ENOX2: variants seen among roughly 807,000 people sequenced by gnomAD.
The protein encoded by ENOX2 is ecto-NOX disulfide-thiol exchanger 2, also known as APK1 antigen.
Under a neutral mutation model 45.0 loss-of-function variants are expected in ENOX2, and 36 were observed. The observed-to-expected ratio is 0.80, with a 90% CI of 0.61 to 1.06. The LOEUF is 1.06. Among genes scored for constraint, ENOX2 ranks in the 50% least tolerant of loss-of-function variants. The pLI is 0.00. For synonymous variants in ENOX2, 174 were observed against 152.3 expected, an observed-to-expected ratio of 1.14 and a Z score of -1.05; for missense variants, 423 against 462.5, an observed-to-expected ratio of 0.91 and a Z score of 0.78.
intron 2 of ENOX2, among the ~76,000 whole-genome samples, chrX:130,850,529 C>T (rs776686954): frequency 9.0e-6 from 1 of 111,589 alleles, no homozygotes; most frequent in African/African-American, 3.3e-5. Context: ...TTATTTACTA[C>T]CCACAATTAC....
chrX:130,795,437 C>A (rs904821818), intron 2 of ENOX2, among the ~76,000 whole-genome samples: 1 of 111,993 alleles, frequency 8.9e-6, no homozygotes, highest in Non-Finnish European at 1.9e-5. Context: ...CTTAATTTTG[C>A]TACAGTCTGG....
intron 2 of ENOX2, among the ~76,000 whole-genome samples, chrX:130,786,675 T>C (rs1266745462): frequency 1.1e-5 from 1 of 94,312 alleles, no homozygotes; most frequent in Non-Finnish European, 2.1e-5. Flanking sequence ...GTTCTTGAGA[T>C]AGTTTACTGA....
In ENOX2 at chrX:130,836,556, TTTTA is replaced by T. The variant is rs1342639019; in HGVS notation, c.-182-52870_-182-52867del. ...AGCAACTGATTGAAGAGTCTTAAGCTTTTATGTTTGTATTTCTCCAGAGCAGTTC... is the reference window on the plus strand; with the variant it reads ...AGCAACTGATTGAAGAGTCTTAAGCTTGTTTGTATTTCTCCAGAGCAGTTC... On this transcript the variant is annotated intron_variant, in intron 2 of 14. Transcript: ENST00000394363. Among the ~76,000 whole-genome samples, 5 of 111,353 alleles carry T rather than the reference TTTTA, an allele frequency of 4.5e-5. No homozygotes were observed. In the Admixed American group the frequency reaches 4.8e-4, roughly 11 times the overall value.
intron 11 of ENOX2, among the ~76,000 whole-genome samples, chrX:130,636,307 T>C (rs1453232043): frequency 8.9e-6 from 1 of 112,562 alleles, no homozygotes; most frequent in Non-Finnish European, 1.9e-5. Flanking sequence ...AGGAAGACAA[T>C]AGTGGCAGAA....
chrX:130,714,873 G>A (rs2038287263), intron 3 of ENOX2, among the ~76,000 whole-genome samples: 2 of 111,483 alleles, frequency 1.8e-5, no homozygotes, highest in Non-Finnish European at 1.9e-5. Context: ...GTGGAGGAGG[G>A]AGGGGAGCAC....
chrX:130,743,194 G>T (rs1476896375), intron 3 of ENOX2, among the ~76,000 whole-genome samples: 1 of 111,791 alleles, frequency 8.9e-6, no homozygotes, highest in African/African-American at 3.3e-5. Context: ...TAGAATGGGG[G>T]AAATATGACT....
chrX:130,767,803 T>G (rs1355488923), intron 3 of ENOX2, among the ~76,000 whole-genome samples: 1 of 112,275 alleles, frequency 8.9e-6, no homozygotes, highest in Non-Finnish European at 1.9e-5. Flanking sequence ...GGAAGTGCAC[T>G]GCATACTTAT....
chrX:130,799,986 A>C lies in ENOX2; in HGVS notation c.-182-16296T>G, dbSNP rs955851429. Among the ~76,000 whole-genome samples the C allele has an allele frequency of 2.7e-5, 3 of 111,527 alleles. No homozygotes were observed. The Admixed American group carries it at 2.9e-4, about 11-fold the overall frequency. On this transcript the variant is annotated intron_variant, in intron 2 of 14. Coordinates refer to ENST00000394363, the MANE Select transcript of ENOX2 (RefSeq NM_006375.4). ...GGAAGCACAGAACAGTTTTTTTTTA[A>C]TGATGTTTAAATACCAATATATCTT... is the stretch of plus-strand genomic sequence containing the variant.
chrX:130,632,144 A>C (rs1238517920), intron 12 of ENOX2, among the ~76,000 whole-genome samples: 3 of 110,870 alleles, frequency 2.7e-5, no homozygotes, highest in East Asian at 6.1e-4. Context: ...TTTGAACTAA[A>C]AATTAGAGCT....
rs73635945 is a variant in ENOX2 at position 130,733,939 on chromosome X, G to T, written c.-38-30685C>A. Among the ~76,000 whole-genome samples the T allele has an allele frequency of 4.8e-3, 538 of 112,076 alleles. 5 individuals are homozygous for T. The highest frequency in any genetic ancestry group is 0.017 in the African/African-American group (518 of 30,904). The stretch of plus-strand genomic sequence containing the variant: ...CGAATTATTTCTTACAACTGCATGT[G>T]AATCTTCAGTTATCTCAAAATTTCA... On this transcript the variant is annotated intron_variant, in intron 3 of 14. Coordinates refer to ENST00000394363, the MANE Select transcript of ENOX2 (RefSeq NM_006375.4).
Position 130,674,708 on chromosome X carries a change from G to A in ENOX2, c.461-4510C>T, listed in dbSNP as rs201982043. Among the ~76,000 whole-genome samples the A allele has an allele frequency of 4.2e-4, 45 of 107,852 alleles. No homozygotes were observed. The East Asian group carries it at 0.011, about 26-fold the overall frequency. 93.7% of individuals were successfully genotyped at this position (107,852 alleles called of 115,157 possible). ...ATGTATACATGTGCCATGCTGGTGCGCTGCACCCACTAACTCGTCATCTAG... is the reference window on the plus strand; with the variant it reads ...ATGTATACATGTGCCATGCTGGTGCACTGCACCCACTAACTCGTCATCTAG... On this transcript the variant is annotated intron_variant, in intron 6 of 14. Transcript: ENST00000394363.
intron 2 of ENOX2, among the ~76,000 whole-genome samples, chrX:130,881,266 T>G (rs777113925): frequency 8.9e-5 from 10 of 112,696 alleles, no homozygotes; most frequent in African/African-American, 3.2e-4. Context: ...CAGGCAGCAC[T>G]GGGTTAGATA....
chrX:130,765,150 G>C lies in ENOX2; in HGVS notation c.-39+18397C>G, dbSNP rs151180779. ...GTCTCAGGTACATTAAATTGGACCA[G>C]TCATGACACTTGGTTCATGACACAC... On this transcript the variant is annotated intron_variant, in intron 3 of 14. Transcript: ENST00000394363. Among the ~76,000 whole-genome samples, 5 of 111,248 alleles carry C rather than the reference G, an allele frequency of 4.5e-5. No individual in the cohort carries two copies. In the East Asian group the frequency reaches 1.4e-3, roughly 31 times the overall value.
At chrX:130,748,114 C>G (rs1291462264) in intron 3 of ENOX2, among the ~76,000 whole-genome samples, 3 of 111,984 alleles carry the variant, frequency 2.7e-5, no homozygotes, top group Non-Finnish European at 5.6e-5. Flanking sequence ...GCAACACATT[C>G]AGTACATCCT....
intron 2 of ENOX2, among the ~76,000 whole-genome samples, chrX:130,859,536 C>T (rs1350094147): frequency 8.9e-6 from 1 of 112,018 alleles, no homozygotes; most frequent in African/African-American, 3.2e-5. Context: ...AGTAGGAGTT[C>T]ACCTGGTGAT....
intron 3 of ENOX2, among the ~76,000 whole-genome samples, chrX:130,706,848 G>C (rs961040968): frequency 1.8e-5 from 2 of 111,635 alleles, no homozygotes; most frequent in Admixed American, 9.5e-5. Flanking sequence ...GTTACAACCA[G>C]GGATATATGC....
Position 130,679,660 on chromosome X carries a change from G to A in ENOX2, c.342C>T (p.Ile114=). ...CACACTGCTCGAAAACTTCCACAAT[G>A]ATTTGCTCTGTCCCATTTTCAGGCA... ...GGLPENGTEQ[I]IVEVFEQCGE... The change falls in exon 6 of 15, where the codon ATC becomes ATT. Residue 114 remains isoleucine, a synonymous_variant. Coordinates refer to ENST00000394363, the MANE Select transcript of ENOX2 (RefSeq NM_006375.4). The A allele has an allele frequency of 8.3e-6, 10 of 1,209,851 alleles. No individual in the cohort carries two copies. Among genetic ancestry groups the A allele is most frequent in the Non-Finnish European group, 1.1e-5 (10 of 893,845 alleles).
intron 2 of ENOX2, among the ~76,000 whole-genome samples, chrX:130,899,266 T>C (rs2079106970): frequency 1.8e-5 from 2 of 112,401 alleles, no homozygotes; most frequent in Non-Finnish European, 3.8e-5. Context: ...GCTAGTCTTT[T>C]CATAGCATTT....
intron 2 of ENOX2, among the ~76,000 whole-genome samples, chrX:130,827,498 A>G (rs1739565514): frequency 9.0e-6 from 1 of 111,486 alleles, no homozygotes; most frequent in African/African-American, 3.3e-5. Context: ...CCATTACAGT[A>G]CTTAAACTTT....
Sources: allele counts gnomAD v4.1 joint callset (sites outside exome capture counted in the v4.1 genomes callset), GRCh38; gene constraint gnomAD v4.1.1; transcripts MANE v1.5; gene names NCBI Gene and HGNC (gene_info 2026-07-23, HGNC 2026-07-21).